Variants in ARHGEF6 observed in about 807,000 individuals in gnomAD.
The protein encoded by ARHGEF6 is Rac/Cdc42 guanine nucleotide exchange factor 6.
A neutral mutation model predicts 70.3 loss-of-function variants in ARHGEF6; 9 were observed. That is an observed-to-expected ratio of 0.13 (90% confidence interval 0.08 to 0.22). ARHGEF6 has a LOEUF of 0.22. ARHGEF6 is among the 10% of genes least tolerant of loss of function. The probability of loss-of-function intolerance (pLI) is 1.00; values close to 1 mark genes in which losing one functional copy is unlikely to be tolerated. For missense variants in ARHGEF6, 470 were observed against 563.0 expected, an observed-to-expected ratio of 0.83 and a Z score of 1.67; for synonymous variants, 201 against 207.8, an observed-to-expected ratio of 0.97 and a Z score of 0.28.
intron 19 of ARHGEF6, among the ~76,000 whole-genome samples, chrX:136,672,449 G>A (rs897799682): frequency 9.0e-6 from 1 of 111,533 alleles, no homozygotes; most frequent in Non-Finnish European, 1.9e-5. Flanking sequence ...GCAAAGAGCT[G>A]ACCAGTGATC....
intron 2 of ARHGEF6, among the ~76,000 whole-genome samples, chrX:136,747,849 C>A (rs768039948): frequency 9.1e-6 from 1 of 109,637 alleles, no homozygotes; most frequent in South Asian, 4.0e-4. Flanking sequence ...GAAGGCAGCG[C>A]CCACCAGGAA....
chrX:136,667,579 T>C lies in ARHGEF6; in HGVS notation c.*450A>G, dbSNP rs1444587062. 6.9e-6 allele frequency: 1 copy of C among 145,117 alleles called. No homozygotes were observed. The highest frequency in any genetic ancestry group is 1.3e-5 in the Non-Finnish European group (1 of 74,529). The allele number at this position is 145,117 out of a possible 1,213,427, so 12.0% of individuals were successfully genotyped here. A position where few individuals can be genotyped will look rare whatever the true frequency, so the allele number is the denominator to read the frequency against. The stretch of plus-strand genomic sequence containing the variant: ...GGTACAGGAAAGCCCTGGGGAAAAG[T>C]TGGGTTCACATTTAATAAGCCTTGG... On this transcript the variant is annotated 3_prime_UTR_variant, in exon 22 of 22. Transcript: ENST00000250617.
At chrX:136,750,607 T>C (rs145988896) in intron 2 of ARHGEF6, among the ~76,000 whole-genome samples, 1,588 of 111,859 alleles carry the variant, frequency 0.014, 31 homozygotes, top group African/African-American at 0.049. Flanking sequence ...GAAAAAAGTA[T>C]TACTTCTTAG....
intron 4 of ARHGEF6, 114 bp from the exon 5 acceptor site, chrX:136,743,900 A>T (rs1167957698): frequency 1.5e-6 from 1 of 679,430 alleles, no homozygotes; most frequent in Non-Finnish European, 2.3e-6. Context: ...CCCCAGATCC[A>T]TCTCAGTCCT....
At chrX:136,747,727 C>A in intron 2 of ARHGEF6, 135 bp from the exon 3 acceptor site, 2 of 449,511 alleles carry the variant, frequency 4.4e-6, no homozygotes, top group Non-Finnish European at 7.5e-6. Context: ...AAGACACAAA[C>A]CTCCATATAC....
chrX:136,707,233 T>C (rs1460088695), intron 8 of ARHGEF6, among the ~76,000 whole-genome samples: 1 of 112,375 alleles, frequency 8.9e-6, no homozygotes, highest in Non-Finnish European at 1.9e-5. Flanking sequence ...ACAGTTGTAA[T>C]ACATAGGGTC....
At chrX:136,671,106 C>T (rs1246741832) in intron 20 of ARHGEF6, among the ~76,000 whole-genome samples, 1 of 111,895 alleles carries the variant, frequency 8.9e-6, no homozygotes, top group Admixed American at 9.4e-5. Context: ...ATTGAGCTAG[C>T]CTTTATACTT....
At chrX:136,686,369 T>C (rs1438506339) in intron 11 of ARHGEF6, among the ~76,000 whole-genome samples, 2 of 108,933 alleles carry the variant, frequency 1.8e-5, no homozygotes, top group Non-Finnish European at 3.8e-5. Context: ...CCACAGTGAA[T>C]CAAACTTATA....
At chrX:136,779,888 C>T (rs931099273) in intron 1 of ARHGEF6, among the ~76,000 whole-genome samples, 2 of 111,954 alleles carry the variant, frequency 1.8e-5, no homozygotes, top group Admixed American at 9.5e-5. Context: ...TTCCCCTCTA[C>T]ATTTGACCAC....
chrX:136,753,394 C>T (rs2148668654), intron 2 of ARHGEF6, among the ~76,000 whole-genome samples: 1 of 111,842 alleles, frequency 8.9e-6, no homozygotes, highest in African/African-American at 3.3e-5. Flanking sequence ...AGCAACACTA[C>T]CTTTATGAGG....
intron 2 of ARHGEF6, among the ~76,000 whole-genome samples, chrX:136,753,316 G>A (rs1167355505): frequency 8.9e-6 from 1 of 112,228 alleles, no homozygotes; most frequent in Non-Finnish European, 1.9e-5. Flanking sequence ...GCACTGATGT[G>A]AGAGTCAGAA....
chrX:136,736,508 G>C (rs150584464), intron 5 of ARHGEF6, among the ~76,000 whole-genome samples: 1,922 of 110,908 alleles, frequency 0.017, 19 homozygotes, highest in Non-Finnish European at 0.026. Flanking sequence ...GGTGACAATG[G>C]CTTCATGATG....
At chrX:136,725,337 G>A (rs989074649) in intron 6 of ARHGEF6, among the ~76,000 whole-genome samples, 1 of 108,229 alleles carries the variant, frequency 9.2e-6, no homozygotes, top group Non-Finnish European at 1.9e-5. Context: ...GACAAAAGTG[G>A]TTAATAAGTC....
At chrX:136,734,044 A>G (rs990574370) in intron 5 of ARHGEF6, among the ~76,000 whole-genome samples, 1 of 112,332 alleles carries the variant, frequency 8.9e-6, no homozygotes, top group African/African-American at 3.2e-5. Context: ...TTTTCTTTTC[A>G]GGGAAGATTT....
In ARHGEF6 at chrX:136,667,795, G is replaced by GAA; in HGVS notation, c.*232_*233dup. The GAA allele has an allele frequency of 5.1e-6, 2 of 391,586 alleles. No individual in the cohort carries two copies. Among genetic ancestry groups the GAA allele is most frequent in the Non-Finnish European group, 4.4e-6 (1 of 226,345 alleles). 32.3% of individuals were successfully genotyped at this position (391,586 alleles called of 1,213,427 possible). A position where few individuals can be genotyped will look rare whatever the true frequency, so the allele number is the denominator to read the frequency against. On this transcript the variant is annotated 3_prime_UTR_variant, in exon 22 of 22. Transcript: ENST00000250617. ...ACCACTTCCTGCTTTTTCACCTGTT[G>GAA]AAAAAAAAAATGAACAACCAACCAA...
intron 18 of ARHGEF6, among the ~76,000 whole-genome samples, chrX:136,675,368 G>A (rs2076270430): frequency 9.1e-6 from 1 of 109,670 alleles, no homozygotes; most frequent in African/African-American, 3.3e-5. Context: ...GCGGTGTTTT[G>A]TCAGTGGTCT....
chrX:136,755,183 T>C (rs1328001875), intron 2 of ARHGEF6, among the ~76,000 whole-genome samples: 1 of 112,091 alleles, frequency 8.9e-6, no homozygotes. Context: ...AATGAACTTT[T>C]GGAAAATAAT....
intron 2 of ARHGEF6, among the ~76,000 whole-genome samples, chrX:136,752,986 T>C (rs1196696132): frequency 8.9e-6 from 1 of 112,011 alleles, no homozygotes; most frequent in African/African-American, 3.3e-5. Context: ...CTTAGTCATA[T>C]TTCACTGGGT....
chrX:136,780,389 G>A (rs928120551), intron 1 of ARHGEF6, among the ~76,000 whole-genome samples: 3 of 110,768 alleles, frequency 2.7e-5, no homozygotes, highest in Non-Finnish European at 5.7e-5. Context: ...AGTACCCCAA[G>A]TTCAAAACAT....
Sources: gnomAD v4.1 joint callset for allele counts (sites outside exome capture counted in the v4.1 genomes callset) on GRCh38, gnomAD v4.1.1 for gene constraint, MANE v1.5 for transcripts, NCBI Gene and HGNC (gene_info 2026-07-23, HGNC 2026-07-21) for gene names.